Variants in ZNF267 observed in about 807,000 individuals in gnomAD.
ZNF267 encodes the protein zinc finger (C2H2).
Under a neutral mutation model 71.6 loss-of-function variants are expected in ZNF267, and 61 were observed. That is an observed-to-expected ratio of 0.85 (90% CI 0.69 to 1.05). The LOEUF (loss-of-function observed/expected upper bound fraction) is 1.05. ZNF267 is among the 50% of genes least tolerant of loss of function. The pLI, the probability that ZNF267 is intolerant of heterozygous loss-of-function variation, is 0.00. For synonymous variants in ZNF267, 288 were observed against 293.2 expected (o/e 0.98, Z 0.18); for missense variants, 852 against 870.0 (o/e 0.98, Z 0.26).
In ZNF267 at chr16:31,873,860, C is replaced by T. The variant is rs768537172; in HGVS notation, c.-107C>T. The T allele has an allele frequency of 2.4e-5, 36 of 1,503,186 alleles. No homozygotes were observed. Among genetic ancestry groups the T allele is most frequent in the African/African-American group, 5.5e-5 (4 of 72,654 alleles). 93.1% of individuals were successfully genotyped at this position (1,503,186 alleles called of 1,614,324 possible). On this transcript the variant is annotated 5_prime_UTR_variant, in exon 1 of 4. Coordinates refer to ENST00000300870, the MANE Select transcript of ZNF267 (RefSeq NM_003414.6). ...CTCCGAGTCTTTCGTTCTGGGAGGC[C>T]CAGGCGGCTTCGCGTTCTGAGAATA...
rs1272419524 is a variant in ZNF267 at position 31,915,417 on chromosome 16, A to T, written c.1168A>T (p.Thr390Ser). 5 of 1,613,784 alleles carry T rather than the reference A, an allele frequency of 3.1e-6. No homozygotes were observed. The highest frequency in any genetic ancestry group is 1.3e-5 in the African/African-American group (1 of 75,064). Residue 390 changes from threonine to serine, a missense_variant, in exon 4 of 4, where the codon ACT (threonine) becomes TCT (serine). By Grantham distance (58) the Thr-to-Ser change is moderately conservative. Coordinates refer to ENST00000300870, the MANE Select transcript of ZNF267 (RefSeq NM_003414.6). ...ATGTAAAGCATGTAGCAAATCTTTT[A>T]CTCGTTCCTCCAATCTTATTGTGCA... Reference protein sequence around the residue: ...YKCKACSKSFTRSSNLIVHQR... With the variant: ...YKCKACSKSFSRSSNLIVHQR...
At chr16:31,887,220 T>C (rs1567473293) in intron 3 of ZNF267, among the ~76,000 whole-genome samples, 2 of 152,080 alleles carry the variant, frequency 1.3e-5, no homozygotes, top group Admixed American at 6.5e-5. Flanking sequence ...AAATGTCTAC[T>C]TGAGTCCTTT....
chr16:31,902,359 C>T lies in ZNF267; in HGVS notation c.227-12117C>T, dbSNP rs575566190. On this transcript the variant is annotated intron_variant, in intron 3 of 3. Transcript: ENST00000300870. ...GTCATTGGTAGCTTGATGGGGATGG[C>T]ATTGAATCTGTAAATTACCTTGGGC... Among the ~76,000 whole-genome samples the T allele has an allele frequency of 2.7e-3, 411 of 152,156 alleles. 3 individuals are homozygous for T. Among genetic ancestry groups the T allele is most frequent in the Non-Finnish European group, 3.1e-3 (212 of 68,008 alleles).
At chr16:31,907,147 T>C (rs1181812685) in intron 3 of ZNF267, among the ~76,000 whole-genome samples, 1 of 152,200 alleles carries the variant, frequency 6.6e-6, no homozygotes, top group African/African-American at 2.4e-5. Context: ...TTTGTCACTT[T>C]TGAATTTCTG....
At chr16:31,913,774 C>G (rs2084152200) in intron 3 of ZNF267, 1 of 152,322 alleles carries the variant, frequency 6.6e-6, no homozygotes, top group Non-Finnish European at 1.5e-5. Flanking sequence ...CTGATGTTCA[C>G]TCAACACCCA....
rs1277929056 is a variant in ZNF267 at position 31,875,026 on chromosome 16, T to TA, written c.3+1063dup. 9 of 891,392 alleles carry TA rather than the reference T, an allele frequency of 1.0e-5. No homozygotes were observed. The African/African-American group carries it at 1.4e-4, about 14-fold the overall frequency. 55.2% of individuals were successfully genotyped at this position (891,392 alleles called of 1,614,324 possible). ...TTTCACGTGAGAGGAAAGCAGAGAA[T>TA]AAAAAATCCCTGACACTCCACTGCA... On this transcript the variant is annotated intron_variant, in intron 1 of 3. Coordinates refer to ENST00000300870, the MANE Select transcript of ZNF267 (RefSeq NM_003414.6).
intron 3 of ZNF267, among the ~76,000 whole-genome samples, chr16:31,900,271 CTTTA>C (rs988929975): frequency 9.2e-5 from 14 of 151,806 alleles, no homozygotes; most frequent in Non-Finnish European, 1.6e-4. Context: ...ATACCGAATA[CTTTA>C]TTTGTGTATA....
At chr16:31,910,714 T>C (rs949796408) in intron 3 of ZNF267, among the ~76,000 whole-genome samples, 1 of 151,534 alleles carries the variant, frequency 6.6e-6, no homozygotes, top group African/African-American at 2.4e-5. Flanking sequence ...ATTTTTTTTG[T>C]ATTTTTTATT....
Position 31,907,533 on chromosome 16 carries a change from A to G in ZNF267, c.227-6943A>G, listed in dbSNP as rs567395631. Among the ~76,000 whole-genome samples, 6 of 152,118 alleles carry G rather than the reference A, an allele frequency of 3.9e-5. No individual in the cohort carries two copies. The South Asian group carries it at 1.2e-3, about 32-fold the overall frequency. ...CACACTTTGTGTTTTTATAGGTTTA[A>G]TCTCTGTTCATTTTCATCATCCATT... On this transcript the variant is annotated intron_variant, in intron 3 of 3. Transcript: ENST00000300870.
At chr16:31,905,411 T>C (rs142785393) in intron 3 of ZNF267, among the ~76,000 whole-genome samples, 2,258 of 152,324 alleles carry the variant, frequency 0.015, 55 homozygotes, top group African/African-American at 0.052. Flanking sequence ...TCCTCGTCAC[T>C]TTCAGGTACA....
chr16:31,876,620 ATT>A (rs966121964), intron 1 of ZNF267, among the ~76,000 whole-genome samples: 2 of 152,236 alleles, frequency 1.3e-5, no homozygotes, highest in African/African-American at 4.8e-5. Context: ...TAAGTGGCCT[ATT>A]TATTGTCTGA....
At position 31,914,467 on chromosome 16, in the gene ZNF267, A is replaced by G. The variant is rs769022533; in HGVS notation, c.227-9A>G. The G allele has an allele frequency of 4.2e-5, 65 of 1,547,050 alleles. No individual in the cohort carries two copies. Among genetic ancestry groups the G allele is most frequent in the Non-Finnish European group, 5.2e-5 (60 of 1,151,422 alleles). On this transcript the variant is annotated splice_polypyrimidine_tract_variant and intron_variant, in intron 3 of 3. Coordinates refer to ENST00000300870, the MANE Select transcript of ZNF267 (RefSeq NM_003414.6). ...TAATTGGAATTCTTAAAATTTTTAT[A>G]TCTTTCAGATGTGTTTTCGCATTAT...
intron 3 of ZNF267, among the ~76,000 whole-genome samples, chr16:31,885,526 C>G (rs1349789302): frequency 6.6e-6 from 1 of 152,190 alleles, no homozygotes; most frequent in Non-Finnish European, 1.5e-5. Context: ...CCTGCTTGAT[C>G]TGACTGTTCT....
chr16:31,908,417 A>G (rs1376209133), intron 3 of ZNF267, among the ~76,000 whole-genome samples: 3 of 152,104 alleles, frequency 2.0e-5, no homozygotes, highest in African/African-American at 7.2e-5. Flanking sequence ...ATGATCCCAT[A>G]TGTCCATTTT....
At chr16:31,881,625 A>G (rs2083890262) in intron 1 of ZNF267, among the ~76,000 whole-genome samples, 1 of 151,810 alleles carries the variant, frequency 6.6e-6, no homozygotes, top group Non-Finnish European at 1.5e-5. Flanking sequence ...TCACAAAGTC[A>G]GTATAAAGAT....
chr16:31,892,673 G>T (rs1326972378), intron 3 of ZNF267, among the ~76,000 whole-genome samples: 1 of 152,162 alleles, frequency 6.6e-6, no homozygotes, highest in Non-Finnish European at 1.5e-5. Context: ...AAAACAAAGG[G>T]GCTATAAGCC....
chr16:31,882,069 G>C (rs997443038), intron 1 of ZNF267, among the ~76,000 whole-genome samples: 5 of 152,158 alleles, frequency 3.3e-5, no homozygotes, highest in Admixed American at 3.3e-4. Context: ...AAATAGAAAG[G>C]CTGAGCCATT....
At chr16:31,901,264 T>C (rs1375920013) in intron 3 of ZNF267, among the ~76,000 whole-genome samples, 1 of 152,146 alleles carries the variant, frequency 6.6e-6, no homozygotes, top group Non-Finnish European at 1.5e-5. Flanking sequence ...TAAACATACA[T>C]GTGCATGTGT....
chr16:31,894,351 A>G lies in ZNF267; in HGVS notation c.226+9095A>G, dbSNP rs1043192845. Among the ~76,000 whole-genome samples the G allele has an allele frequency of 4.3e-4, 66 of 152,186 alleles. 1 individual carries two copies. The highest frequency in any genetic ancestry group is 1.5e-3 in the African/African-American group (62 of 41,442). ...TTTCTTGGACCACACTTACTTTAGC[A>G]AGGTCTTCCTTATAGCTTGAAGAAC... On this transcript the variant is annotated intron_variant, in intron 3 of 3. Transcript: ENST00000300870.
Sources: allele counts gnomAD v4.1 joint callset (sites outside exome capture counted in the v4.1 genomes callset), GRCh38; gene constraint gnomAD v4.1.1; transcripts MANE v1.5; gene names NCBI Gene and HGNC (gene_info 2026-07-23, HGNC 2026-07-21).